The following OTULIN variants were observed in gnomAD, a reference collection of about 807,000 sequenced individuals.
OTULIN encodes the protein OTU deubiquitinase with linear linkage specificity, also known as ubiquitin thioesterase otulin.
In OTULIN, 15 loss-of-function variants were observed where a neutral mutation model predicts 39.6. That is an observed-to-expected ratio of 0.38 (90% CI 0.25 to 0.58). The LOEUF (loss-of-function observed/expected upper bound fraction) is 0.58, where lower values mean the gene tolerates loss of function less well. Ranked by LOEUF, OTULIN falls within the 20% of genes least tolerant of loss-of-function variation. OTULIN has a pLI of 0.66. For missense variants in OTULIN, 319 were observed against 445.9 expected, an observed-to-expected ratio of 0.72 and a Z score of 2.56; for synonymous variants, 156 against 170.3, an observed-to-expected ratio of 0.92 and a Z score of 0.65.
At chr5:14,673,789 ACC>A in intron 2 of OTULIN, 71 bp downstream of exon 2, 1 of 1,268,260 alleles carries the variant, frequency 7.9e-7, no homozygotes, top group Non-Finnish European at 1.1e-6. Flanking sequence ...AATCCGTATA[ACC>A]ATTTTCATAA....
At position 14,687,650 on chromosome 5, in the gene OTULIN, T is replaced by G. The variant is rs1331046562; in HGVS notation, c.594+4T>G. 1 of 1,611,018 alleles carries G rather than the reference T, an allele frequency of 6.2e-7. No individual in the cohort carries two copies. The highest frequency in any genetic ancestry group is 1.1e-5 in the South Asian group (1 of 90,438). The stretch of plus-strand genomic sequence containing the variant: ...CCTTACTCTGCTGAGGAAGAAGGTT[T>G]GGAACCTGTAGTGTCCTGTCTGATA... On this transcript the variant is annotated splice_donor_region_variant and intron_variant, in intron 5 of 6. Coordinates refer to ENST00000284274, the MANE Select transcript of OTULIN (RefSeq NM_138348.6).
rs562452880 is a variant in OTULIN, at chr5:14,667,921, A to G, written c.152+2944A>G. Among the ~76,000 whole-genome samples, 13 of 152,090 alleles carry G rather than the reference A, an allele frequency of 8.5e-5. No individual in the cohort carries two copies. In the South Asian group the frequency reaches 2.7e-3, roughly 32 times the overall value. ...CTATCCCCTGCTCACTCCACCCCCAATATCTGACTCCTGCTGATCTGGTCC... is the reference window on the plus strand; with the variant it reads ...CTATCCCCTGCTCACTCCACCCCCAGTATCTGACTCCTGCTGATCTGGTCC... On this transcript the variant is annotated intron_variant, in intron 1 of 6. Coordinates refer to ENST00000284274, the MANE Select transcript of OTULIN (RefSeq NM_138348.6).
Position 14,695,224 on chromosome 5 carries a change from A to ATAG in OTULIN, c.*2179_*2181dup, listed in dbSNP as rs1337084207. 3.3e-5 allele frequency: 5 copies of ATAG among 152,248 alleles called. No homozygotes were observed. The highest frequency in any genetic ancestry group is 4.4e-5 in the Non-Finnish European group (3 of 68,040). 9.4% of individuals were successfully genotyped at this position (152,248 alleles called of 1,614,324 possible). A position where few individuals can be genotyped will look rare whatever the true frequency, so the allele number is the denominator to read the frequency against. ...TCAGAGAAGCAAAGCTTTCAAATAA[A>ATAG]TAGTACTTCAGGAAATAGAAATGAT... On this transcript the variant is annotated 3_prime_UTR_variant, in exon 7 of 7. Transcript: ENST00000284274.
At chr5:14,701,941 G>T (rs1330398078), downstream of OTULIN, among the ~76,000 whole-genome samples, 2 of 152,196 alleles carry the variant, frequency 1.3e-5, no homozygotes, top group Admixed American at 6.5e-5. Context: ...GAGAATGGGT[G>T]TGTGGGTTGT....
chr5:14,677,060 GTTACT>G (rs1220941726), intron 2 of OTULIN, among the ~76,000 whole-genome samples: 1 of 152,090 alleles, frequency 6.6e-6, no homozygotes, highest in Non-Finnish European at 1.5e-5. Flanking sequence ...TATGTAAAAA[GTTACT>G]TTTCTTTGTA....
In OTULIN at chr5:14,693,328, G is replaced by T; in HGVS notation, c.*280G>T. On this transcript the variant is annotated 3_prime_UTR_variant, in exon 7 of 7. Transcript: ENST00000284274. Reference sequence around the variant, plus strand: ...TCTTCTCCAGAAGGCAAATACTTTTGTATCAGAGGAAACTCAGTTTTGGAG... The same window carrying T: ...TCTTCTCCAGAAGGCAAATACTTTTTTATCAGAGGAAACTCAGTTTTGGAG... 3.3e-6 allele frequency: 1 copy of T among 301,702 alleles called. No individual in the cohort carries two copies. The highest frequency in any genetic ancestry group is 6.1e-6 in the Non-Finnish European group (1 of 164,518). The allele number at this position is 301,702 out of a possible 1,614,324, so 18.7% of individuals were successfully genotyped here. A position where few individuals can be genotyped will look rare whatever the true frequency, so the allele number is the denominator to read the frequency against.
At chr5:14,699,999 G>A (rs1470405317), downstream of OTULIN, among the ~76,000 whole-genome samples, 2 of 152,162 alleles carry the variant, frequency 1.3e-5, no homozygotes, top group African/African-American at 4.8e-5. Flanking sequence ...TGTTTCCTTA[G>A]GCTCTTACAA....
chr5:14,684,489 A>G (rs1013527163), intron 4 of OTULIN, among the ~76,000 whole-genome samples: 6 of 152,218 alleles, frequency 3.9e-5, no homozygotes, highest in African/African-American at 7.2e-5. Context: ...TGGTTGTGCA[A>G]ATCTACCAGG....
Position 14,678,710 on chromosome 5 carries a change from G to A in OTULIN, c.259G>A (p.Asp87Asn). The change falls in exon 3 of 7, where the codon GAT (aspartate) becomes AAT (asparagine). Residue 87 changes from aspartate (D) to asparagine (N), a missense_variant. Asp to Asn is a conservative substitution (Grantham distance 23, BLOSUM62 1). Transcript: ENST00000284274. Reference protein sequence around the residue: ...EPRLSVAPEMDIMDYCKKEWR... With the variant: ...EPRLSVAPEMNIMDYCKKEWR... ...GAGATTAAGCGTAGCTCCTGAAATG[G>A]ATATCATGGACTACTGCAAAAAAGA... The A allele has an allele frequency of 1.2e-6, 2 of 1,600,174 alleles. No homozygotes were observed. The highest frequency in any genetic ancestry group is 8.5e-7 in the Non-Finnish European group (1 of 1,175,372).
At chr5:14,700,349 T>C (rs1169866487), downstream of OTULIN, among the ~76,000 whole-genome samples, 2 of 152,172 alleles carry the variant, frequency 1.3e-5, no homozygotes, top group African/African-American at 4.8e-5. Flanking sequence ...AAGAGAGCAT[T>C]GAAGACCAGA....
chr5:14,713,594 C>T, the OTULIN span: 1 of 1,614,214 alleles, frequency 6.2e-7, no homozygotes, highest in Non-Finnish European at 8.5e-7. The surrounding 1 kb of genome is among the most constrained non-coding windows in gnomAD (Gnocchi z 4.4). Flanking sequence ...TGATCCGCAG[C>T]ACAGAGCTGG....
the OTULIN span, among the ~76,000 whole-genome samples, chr5:14,715,426 C>T: frequency 4.6e-3 from 706 of 152,164 alleles, 4 homozygotes; most frequent in African/African-American, 0.016. Flanking sequence ...CCACTGCGCC[C>T]GGCCCATGGC....
At chr5:14,711,924 C>G in the OTULIN span, among the ~76,000 whole-genome samples, 16 of 152,362 alleles carry the variant, frequency 1.1e-4, no homozygotes, top group African/African-American at 3.4e-4. Context: ...CAGGCCAAGG[C>G]AAGGACATTG....
chr5:14,711,203 A>AT, the OTULIN span: 1 of 1,613,602 alleles, frequency 6.2e-7, no homozygotes, highest in Non-Finnish European at 8.5e-7. Context: ...TGCCTTATTC[A>AT]TTCTCCTCTC....
chr5:14,667,588 C>T (rs760151672), intron 1 of OTULIN, among the ~76,000 whole-genome samples: 2 of 152,156 alleles, frequency 1.3e-5, no homozygotes, highest in Non-Finnish European at 2.9e-5. Flanking sequence ...TGGCCCAGGC[C>T]GGTCTCTACC....
chr5:14,711,235 CCTCCTCTGTCGGAGGCATGTCTGTCAT>C, the OTULIN span: 1 of 1,614,044 alleles, frequency 6.2e-7, no homozygotes, highest in Non-Finnish European at 8.5e-7. Context: ...ATGTCTGTCA[CCTCCTCTGTCGGAGGCATGTCTGTCAT>C]GGCAGAGTCT....
At chr5:14,703,515 TG>T (rs1193698499), downstream of OTULIN, among the ~76,000 whole-genome samples, 7 of 151,142 alleles carry the variant, frequency 4.6e-5, no homozygotes, top group African/African-American at 1.7e-4. Context: ...CCACTGGCGG[TG>T]GGGGGTTGAG....
chr5:14,713,184 A>C, the OTULIN span, among the ~76,000 whole-genome samples: 1 of 152,078 alleles, frequency 6.6e-6, no homozygotes, highest in Admixed American at 6.5e-5. The surrounding 1 kb of genome is among the most constrained non-coding windows in gnomAD (Gnocchi z 4.4). Flanking sequence ...CCCACAGCAC[A>C]TGGATCCCAC....
At chr5:14,707,944 G>A in the OTULIN span, 1 of 152,148 alleles carries the variant, frequency 6.6e-6, no homozygotes, top group African/African-American at 2.4e-5. Flanking sequence ...GCAAACAAGT[G>A]GCCTTCTGTG....
Sources: gnomAD v4.1 joint callset for allele counts (sites outside exome capture counted in the v4.1 genomes callset) on GRCh38, gnomAD v4.1.1 for gene constraint, Gnocchi (gnomAD v3.1) non-coding constraint, MANE v1.5 for transcripts, NCBI Gene and HGNC (gene_info 2026-07-23, HGNC 2026-07-21) for gene names.